SCFD2: variants seen among roughly 807,000 people sequenced by gnomAD.
The protein encoded by SCFD2 is sec1 family domain containing 2.
A neutral mutation model predicts 58.9 loss-of-function variants in SCFD2; 54 were observed. That is an observed-to-expected ratio of 0.92 (90% CI 0.74 to 1.15). The LOEUF is 1.15. SCFD2 is among the 50% of genes most tolerant of loss of function. SCFD2 has a pLI of 0.00. For missense variants in SCFD2, 805 were observed against 836.6 expected, an observed-to-expected ratio of 0.96 and a Z score of 0.47; for synonymous variants, 321 against 335.9, an observed-to-expected ratio of 0.96 and a Z score of 0.49.
At chr4:53,313,959 C>A (rs1356358626) in intron 2 of SCFD2, among the ~76,000 whole-genome samples, 196 bp from the exon 3 acceptor site, 2 of 151,642 alleles carry the variant, frequency 1.3e-5, no homozygotes, top group Non-Finnish European at 2.9e-5. Context: ...ATTAAGGAAA[C>A]AATAAAATCA....
chr4:53,241,230 G>A (rs1275147580), intron 4 of SCFD2, among the ~76,000 whole-genome samples: 3 of 152,188 alleles, frequency 2.0e-5, no homozygotes, highest in African/African-American at 7.2e-5. Flanking sequence ...ACGAGGGGCA[G>A]AATTCCAGCC....
At chr4:53,348,430 T>C (rs1734121312) in intron 2 of SCFD2, among the ~76,000 whole-genome samples, 1 of 152,244 alleles carries the variant, frequency 6.6e-6, no homozygotes, top group South Asian at 2.1e-4. Flanking sequence ...ATTATTGTTT[T>C]GATAGACATA....
chr4:52,951,096 C>G (rs1477733861), intron 5 of SCFD2: 1 of 152,128 alleles, frequency 6.6e-6, no homozygotes, highest in African/African-American at 2.4e-5. Flanking sequence ...AAAATCAACC[C>G]ATAATAGATG....
chr4:53,309,991 T>C (rs1732638497), intron 3 of SCFD2, among the ~76,000 whole-genome samples: 1 of 152,124 alleles, frequency 6.6e-6, no homozygotes, highest in South Asian at 2.1e-4. Context: ...TGATTCACCC[T>C]CAGATATAAT....
chr4:53,256,830 G>T (rs1308035155), intron 4 of SCFD2, among the ~76,000 whole-genome samples: 6 of 148,376 alleles, frequency 4.0e-5, no homozygotes, highest in Non-Finnish European at 8.9e-5. Context: ...GTCCAGCTTC[G>T]GCTAGGCATC....
At chr4:52,906,537 A>G (rs1719352577) in intron 7 of SCFD2, among the ~76,000 whole-genome samples, 1 of 152,220 alleles carries the variant, frequency 6.6e-6, no homozygotes, top group African/African-American at 2.4e-5. Flanking sequence ...AGGAAAATGC[A>G]CCAACCAGGC....
intron 5 of SCFD2, among the ~76,000 whole-genome samples, chr4:53,035,571 A>G (rs899070163): frequency 3.3e-5 from 5 of 152,226 alleles, no homozygotes; most frequent in African/African-American, 7.2e-5. Context: ...TCTGCAATCT[A>G]TCCATCTGAC....
intron 5 of SCFD2, among the ~76,000 whole-genome samples, chr4:53,007,408 AGGGAGGGAGGG>A (rs1722001959): frequency 4.1e-5 from 3 of 72,710 alleles, no homozygotes; most frequent in African/African-American, 1.6e-4. Flanking sequence ...GAAGGAAGGG[AGGGAGGGAGGG>A]AGGGAGGGAG....
intron 2 of SCFD2, among the ~76,000 whole-genome samples, chr4:53,329,639 T>C (rs933888648): frequency 2.0e-5 from 3 of 151,974 alleles, no homozygotes; most frequent in South Asian, 4.2e-4. Context: ...ACCACAAAGA[T>C]TGGAAAAAAA....
At chr4:53,343,669 A>G (rs1383717361) in intron 2 of SCFD2, among the ~76,000 whole-genome samples, 2 of 152,212 alleles carry the variant, frequency 1.3e-5, no homozygotes. Context: ...ATTTTAGACC[A>G]ATATCCCTGA....
intron 4 of SCFD2, among the ~76,000 whole-genome samples, chr4:53,258,577 TAC>T (rs1553893403): frequency 3.3e-5 from 4 of 121,354 alleles, no homozygotes; most frequent in African/African-American, 9.5e-5. Context: ...TATATATATA[TAC>T]ACACACATAT....
At chr4:52,925,229 C>T (rs1719834706) in intron 5 of SCFD2, among the ~76,000 whole-genome samples, 1 of 151,588 alleles carries the variant, frequency 6.6e-6, no homozygotes, top group South Asian at 2.1e-4. Flanking sequence ...CTACATTCTG[C>T]TGTCTTTCAT....
At chr4:53,335,309 A>G (rs538876575) in intron 2 of SCFD2, among the ~76,000 whole-genome samples, 1 of 152,234 alleles carries the variant, frequency 6.6e-6, no homozygotes, top group East Asian at 1.9e-4. Flanking sequence ...AGGAAACATT[A>G]AACAAACATA....
intron 5 of SCFD2, among the ~76,000 whole-genome samples, chr4:52,944,305 A>G (rs1384251360): frequency 6.6e-6 from 1 of 152,182 alleles, no homozygotes; most frequent in African/African-American, 2.4e-5. Flanking sequence ...GTTCTATACC[A>G]AAATGTCTCT....
At chr4:52,906,438 C>A (rs1351617188) in intron 7 of SCFD2, among the ~76,000 whole-genome samples, 1 of 152,252 alleles carries the variant, frequency 6.6e-6, no homozygotes, top group Non-Finnish European at 1.5e-5. Context: ...TAGGGAGACA[C>A]TGGCCAATTC....
chr4:52,895,209 T>C (rs1168200703), intron 7 of SCFD2, among the ~76,000 whole-genome samples: 6 of 152,154 alleles, frequency 3.9e-5, no homozygotes, highest in African/African-American at 1.4e-4. Context: ...TTAGGATACA[T>C]GTGCACAACG....
chr4:53,348,717 A>T (rs1033738627), intron 2 of SCFD2, among the ~76,000 whole-genome samples: 59 of 141,686 alleles, frequency 4.2e-4, no homozygotes, highest in Middle Eastern at 7.5e-3. Context: ...TTATGACCAT[A>T]TTTTTTTTTT....
Position 53,202,879 on chromosome 4 carries a change from A to G in SCFD2, c.1312-57297T>C, listed in dbSNP as rs1428980999. On this transcript the variant is annotated intron_variant, in intron 4 of 8. Transcript: ENST00000401642. Reference sequence around the variant, plus strand: ...TGTGATTTTTGCACATTGATTTTGTATCCTGAGACTTTGCTGAAGTTGCCT... The same window carrying G: ...TGTGATTTTTGCACATTGATTTTGTGTCCTGAGACTTTGCTGAAGTTGCCT... 1.3e-5 allele frequency among the ~76,000 whole-genome samples: 2 copies of G among 152,316 alleles called. 1 individual carries two copies. The highest frequency in any genetic ancestry group is 4.8e-5 in the African/African-American group (2 of 41,562).
intron 2 of SCFD2, among the ~76,000 whole-genome samples, chr4:53,346,712 A>G (rs1306632032): frequency 6.6e-6 from 1 of 152,180 alleles, no homozygotes; most frequent in Non-Finnish European, 1.5e-5. Flanking sequence ...GGAGACATGT[A>G]AACAATTATA....
Sources: allele counts gnomAD v4.1 joint callset (sites outside exome capture counted in the v4.1 genomes callset), GRCh38; gene constraint gnomAD v4.1.1; transcripts MANE v1.5; gene names NCBI Gene and HGNC (gene_info 2026-07-23, HGNC 2026-07-21).